ZFHX2: variants seen among roughly 807,000 people sequenced by gnomAD.
ZFHX2 encodes the protein zinc finger homeobox 2.
ZFHX2 carries 75 observed loss-of-function variants against 164.8 expected under a neutral mutation model. The observed-to-expected ratio is 0.46, with a 90% CI of 0.38 to 0.55. The LOEUF (loss-of-function observed/expected upper bound fraction) is 0.55, where lower values mean the gene tolerates loss of function less well. Ranked by LOEUF, ZFHX2 falls within the 20% of genes least tolerant of loss-of-function variation. The pLI is 0.00. For synonymous variants in ZFHX2, 1,217 were observed against 1,351.4 expected, an observed-to-expected ratio of 0.90 and a Z score of 2.18; for missense variants, 2,933 against 3,308.0, an observed-to-expected ratio of 0.89 and a Z score of 2.78.
chr14:23,528,754 G>C lies in ZFHX2; in HGVS notation c.2935-950C>G, dbSNP rs965425947. ...CACCACAGCTCCCCCAGTGGCCCAG[G>C]AAAATTCTGGCCCAGCCCTCTCAGC... On this transcript the variant is annotated intron_variant, in intron 6 of 9. Transcript: ENST00000419474. 6 of 985,266 alleles carry C rather than the reference G, an allele frequency of 6.1e-6. No individual in the cohort carries two copies. The African/African-American group carries it at 1.0e-4, about 17-fold the overall frequency. The allele number at this position is 985,266 out of a possible 1,614,324, so 61.0% of individuals were successfully genotyped here.
At position 23,527,760 on chromosome 14, in the gene ZFHX2, G is replaced by A. The variant is rs1407649387; in HGVS notation, c.2979C>T (p.Ser993=). 3 of 1,536,040 alleles carry A rather than the reference G, an allele frequency of 2.0e-6. No individual in the cohort carries two copies. Among genetic ancestry groups the A allele is most frequent in the African/African-American group, 2.7e-5 (2 of 73,026 alleles). ...PYCSFLSPES[S]QVRAHTLSQH... ...GGGAGAGTGTATGAGCCCTCACCTG[G>A]CTGGACTCTGGGCTCAGGAAGCTGC... The change falls in exon 7 of 10, where the codon AGC becomes AGT. Residue 993 remains serine (S), a synonymous_variant. Transcript: ENST00000419474.
rs891120932 is a variant in ZFHX2, at chr14:23,523,672, G to T, written c.6270C>A (p.Pro2090=). Residue 2090 remains proline, a synonymous_variant, in exon 9 of 10, where the codon CCC becomes CCA. Transcript: ENST00000419474. This position sits in a 1 kb window ranked among gnomAD's most constrained non-coding sequence, Gnocchi z 4.1. The part of the protein sequence containing the change: ...MKACYEAYRT[P]TMQECEVLGE... ...CCAGCACCTCACACTCCTGCATGGT[G>T]GGGGTGCGGTAAGCTTCATAGCAGG... is the stretch of plus-strand genomic sequence containing the variant. The T allele has an allele frequency of 8.4e-6, 13 of 1,540,610 alleles. No homozygotes were observed. The highest frequency in any genetic ancestry group is 7.8e-5 in the Admixed American group (4 of 51,286).
chr14:23,537,834 A>G (rs1347771602), intron 1 of ZFHX2, among the ~76,000 whole-genome samples: 3 of 152,194 alleles, frequency 2.0e-5, no homozygotes, highest in African/African-American at 7.2e-5. Flanking sequence ...CGTCACCCAC[A>G]GGGTGGGCCA....
chr14:23,526,662 G>A lies in ZFHX2; in HGVS notation c.3280C>T (p.Pro1094Ser). Residue 1094 changes from proline (P) to serine (S), a missense_variant, in exon 9 of 10, where the codon CCA becomes TCA. Coordinates refer to ENST00000419474, the MANE Select transcript of ZFHX2 (RefSeq NM_033400.3). ...GGAAGAGGATCTGGACTGGCTTCTG[G>A]GGTCAGGTTAGGGCCTTCTAGGGGA... The part of the protein sequence containing the change: ...DQAAEGPNLT[P>S]EASPDPLPEP... 4 of 1,535,948 alleles carry A rather than the reference G, an allele frequency of 2.6e-6. No individual in the cohort carries two copies. The highest frequency in any genetic ancestry group is 3.5e-6 in the Non-Finnish European group (4 of 1,146,884).
chr14:23,525,176 G>A lies in ZFHX2; in HGVS notation c.4766C>T (p.Pro1589Leu). 6.5e-7 allele frequency: 1 copy of A among 1,536,140 alleles called. No individual in the cohort carries two copies. ...EEESSRGNLP[P>L]LVPAGRRFSR... is the part of the protein sequence containing the mutation. ...GAACCGGCGGCCGGCAGGCACCAGGGGAGGAAGATTCCCTCTGGAGCTTTC... is the reference window on the plus strand; with the variant it reads ...GAACCGGCGGCCGGCAGGCACCAGGAGAGGAAGATTCCCTCTGGAGCTTTC... Residue 1589 changes from proline to leucine, a missense_variant, in exon 9 of 10, where the codon CCC becomes CTC. Coordinates refer to ENST00000419474, the MANE Select transcript of ZFHX2 (RefSeq NM_033400.3). The surrounding 1 kb of genome is among the most constrained non-coding windows in gnomAD (Gnocchi z 5.9).
At chr14:23,543,736 T>C (rs1417230901) in intron 1 of ZFHX2, 5 of 152,192 alleles carry the variant, frequency 3.3e-5, no homozygotes, top group African/African-American at 9.6e-5. Context: ...GTGTACCCAT[T>C]TGTGACAACA....
At chr14:23,538,490 C>T (rs1236023596) in intron 1 of ZFHX2, among the ~76,000 whole-genome samples, 2 of 152,032 alleles carry the variant, frequency 1.3e-5, no homozygotes, top group African/African-American at 2.4e-5. Flanking sequence ...TTTCTTTGCC[C>T]TTCCTACCTT....
chr14:23,536,302 A>C (rs946951375), intron 1 of ZFHX2, among the ~76,000 whole-genome samples: 10 of 152,212 alleles, frequency 6.6e-5, no homozygotes, highest in Non-Finnish European at 1.3e-4. Flanking sequence ...TTTGAATGGC[A>C]GAATTCTAGG....
rs1239318620 is a variant in ZFHX2 at position 23,524,065 on chromosome 14, T to C, written c.5877A>G (p.Pro1959=). 2 of 1,520,228 alleles carry C rather than the reference T, an allele frequency of 1.3e-6. No homozygotes were observed. The highest frequency in any genetic ancestry group is 2.4e-5 in the South Asian group (2 of 82,050). 94.2% of individuals were successfully genotyped at this position (1,520,228 alleles called of 1,614,324 possible). A position where few individuals can be genotyped will look rare whatever the true frequency, so the allele number is the denominator to read the frequency against. Residue 1959 remains proline (P), a synonymous_variant, in exon 9 of 10, where the codon CCA becomes CCG. Coordinates refer to ENST00000419474, the MANE Select transcript of ZFHX2 (RefSeq NM_033400.3). This position sits in a 1 kb window ranked among gnomAD's most constrained non-coding sequence, Gnocchi z 5.6. The part of the protein sequence containing the change: ...KVDDGTGREA[P]KREAPAFPYP... ...AGGGAAAAGCAGGTGCTTCCCTCTT[T>C]GGGGCTTCCCTCCCAGTGCCATCAT... is the stretch of plus-strand genomic sequence containing the variant.
chr14:23,525,049 C>A lies in ZFHX2; in HGVS notation c.4893G>T (p.Leu1631=). 6.5e-7 allele frequency: 1 copy of A among 1,536,220 alleles called. No individual in the cohort carries two copies. The highest frequency in any genetic ancestry group is 1.2e-5 in the South Asian group (1 of 84,066). ...KDGEVERLAS[L]LGLASRVVVV... ...CCACCACACGGCTAGCCAGACCCAA[C>A]AGACTTGCGAGTCGCTCCACCTCTC... The change falls in exon 9 of 10, where the codon CTG becomes CTT. Residue 1631 remains leucine (L), a synonymous_variant. Transcript: ENST00000419474. This position sits in a 1 kb window ranked among gnomAD's most constrained non-coding sequence, Gnocchi z 5.9.
At chr14:23,537,748 A>G (rs1880343689) in intron 1 of ZFHX2, among the ~76,000 whole-genome samples, 1 of 152,160 alleles carries the variant, frequency 6.6e-6, no homozygotes, top group South Asian at 2.1e-4. Context: ...GTTGAGGGAG[A>G]AAGGTATTCC....
chr14:23,533,534 G>A lies in ZFHX2; in HGVS notation c.1792C>T (p.Leu598=). 1 of 1,536,190 alleles carries A rather than the reference G, an allele frequency of 6.5e-7. No individual in the cohort carries two copies. The highest frequency in any genetic ancestry group is 1.2e-5 in the South Asian group (1 of 84,068). Residue 598 remains leucine (L), a synonymous_variant, in exon 2 of 10, where the codon CTA becomes TTA. Coordinates refer to ENST00000419474, the MANE Select transcript of ZFHX2 (RefSeq NM_033400.3). This position sits in a 1 kb window ranked among gnomAD's most constrained non-coding sequence, Gnocchi z 4.8. ...AGCGGCAGCCCCTGGTGCAGCATTAGGACATTCTGCATGTGCTTCTCAGAG... is the reference window on the plus strand; with the variant it reads ...AGCGGCAGCCCCTGGTGCAGCATTAAGACATTCTGCATGTGCTTCTCAGAG... ...MTSEKHMQNV[L]MLHQGLPLGL...
chr14:23,523,098 G>A lies in ZFHX2; in HGVS notation c.6739+105C>T. 1 of 1,404,722 alleles carries A rather than the reference G, an allele frequency of 7.1e-7. No homozygotes were observed. Among genetic ancestry groups the A allele is most frequent in the Non-Finnish European group, 9.2e-7 (1 of 1,084,664 alleles). 87.0% of individuals were successfully genotyped at this position (1,404,722 alleles called of 1,614,324 possible). A position where few individuals can be genotyped will look rare whatever the true frequency, so the allele number is the denominator to read the frequency against. ...CCCCAAGAGCCTGATGCAAAGGAAG[G>A]CCACAGGAGATTGGGCATGGGAAGA... On this transcript the variant is annotated intron_variant, in intron 9 of 9. Coordinates refer to ENST00000419474, the MANE Select transcript of ZFHX2 (RefSeq NM_033400.3). This position sits in a 1 kb window ranked among gnomAD's most constrained non-coding sequence, Gnocchi z 4.1.
intron 7 of ZFHX2, 109 bp downstream of exon 7, chr14:23,527,495 C>A: frequency 7.2e-7 from 1 of 1,384,632 alleles, no homozygotes; most frequent in Non-Finnish European, 9.8e-7. Context: ...TGCCTGAATG[C>A]CCCCTGCCCC....
At position 23,525,690 on chromosome 14, in the gene ZFHX2, C is replaced by T. The variant is rs1284184943; in HGVS notation, c.4252G>A (p.Glu1418Lys). ...GAGGAAGGCCCTGCCTCATTACCCT[C>T]TTTGGCCATGGGGGGCCGCTCCCAC... ...REWERPPMAK[E>K]GNEAGPSSPP... Residue 1418 changes from glutamate to lysine, a missense_variant, in exon 9 of 10, where the codon GAG becomes AAG. Physicochemically the swap from Glu to Lys is moderately conservative, Grantham distance 56 (BLOSUM62 1). Coordinates refer to ENST00000419474, the MANE Select transcript of ZFHX2 (RefSeq NM_033400.3). This position sits in a 1 kb window ranked among gnomAD's most constrained non-coding sequence, Gnocchi z 5.9. 5.2e-6 allele frequency: 8 copies of T among 1,529,648 alleles called. No homozygotes were observed. Among genetic ancestry groups the T allele is most frequent in the Non-Finnish European group, 7.0e-6 (8 of 1,142,958 alleles). The allele number at this position is 1,529,648 out of a possible 1,614,324, so 94.8% of individuals were successfully genotyped here.
At chr14:23,549,779 A>G (rs1022635922) in intron 1 of ZFHX2, among the ~76,000 whole-genome samples, 1 of 152,210 alleles carries the variant, frequency 6.6e-6, no homozygotes, top group South Asian at 2.1e-4. Flanking sequence ...AGCTCATTAA[A>G]TTTATTTCTT....
chr14:23,529,999 G>A (rs1262653052), intron 5 of ZFHX2, 121 bp downstream of exon 5: 4 of 1,112,480 alleles, frequency 3.6e-6, no homozygotes, highest in East Asian at 2.6e-5. Flanking sequence ...CCCCTGATGA[G>A]CCCTTTCTTT....
chr14:23,552,883 T>C (rs1882081841), upstream of ZFHX2, among the ~76,000 whole-genome samples: 1 of 152,164 alleles, frequency 6.6e-6, no homozygotes, highest in Admixed American at 6.5e-5. Flanking sequence ...ATTATAGGGG[T>C]GATCCACCTC....
upstream of ZFHX2, among the ~76,000 whole-genome samples, chr14:23,554,814 G>A (rs1882227278): frequency 6.6e-6 from 1 of 152,136 alleles, no homozygotes; most frequent in Non-Finnish European, 1.5e-5. Flanking sequence ...ATCATAGGAA[G>A]GAGTCCAGGA....
Sources: allele counts gnomAD v4.1 joint callset (sites outside exome capture counted in the v4.1 genomes callset), GRCh38; gene constraint gnomAD v4.1.1; non-coding constraint Gnocchi (gnomAD v3.1); transcripts MANE v1.5; gene names NCBI Gene and HGNC (gene_info 2026-07-23, HGNC 2026-07-21).